The following SLIT1 variants were observed in gnomAD, a reference collection of about 807,000 sequenced individuals.
SLIT1 encodes slit homolog 1 protein.
SLIT1 carries 66 observed loss-of-function variants against 186.1 expected under a neutral mutation model. The observed-to-expected ratio is 0.35, with a 90% CI of 0.29 to 0.44. The LOEUF (loss-of-function observed/expected upper bound fraction) is 0.44. Ranked by LOEUF, SLIT1 falls within the 20% of genes least tolerant of loss-of-function variation. The pLI, the probability that SLIT1 is intolerant of heterozygous loss-of-function variation, is 1.00. For synonymous variants in SLIT1, 761 were observed against 833.8 expected (o/e 0.91, Z 1.50); for missense variants, 1,638 against 2,037.4 (o/e 0.80, Z 3.77).
intron 3 of SLIT1, among the ~76,000 whole-genome samples, chr10:97,158,879 G>GA (rs765903356): frequency 0.013 from 1,913 of 144,680 alleles, 24 homozygotes; most frequent in African/African-American, 0.034. Context: ...CTGTCTCAGA[G>GA]AAGAAAAAAA....
At chr10:97,087,056 T>C (rs1192096603) in intron 4 of SLIT1, among the ~76,000 whole-genome samples, 1 of 151,048 alleles carries the variant, frequency 6.6e-6, no homozygotes, top group Non-Finnish European at 1.5e-5. Context: ...AATTTTACTG[T>C]GAACCTAAAA....
At chr10:97,019,665 A>C (rs1273454202) in intron 26 of SLIT1, among the ~76,000 whole-genome samples, 1 of 151,722 alleles carries the variant, frequency 6.6e-6, no homozygotes, top group Non-Finnish European at 1.5e-5. Flanking sequence ...ATTTTCCCCC[A>C]CCTCCCTGCT....
In SLIT1 at chr10:97,018,968, T is replaced by C. The variant is rs765824873; in HGVS notation, c.2871+15A>G. On this transcript the variant is annotated intron_variant, in intron 27 of 36. Coordinates refer to ENST00000266058, the MANE Select transcript of SLIT1 (RefSeq NM_003061.3). The stretch of plus-strand genomic sequence containing the variant: ...CGAAGAGCCCTCCTCCTCCCCGGCC[T>C]CTGCCTCCACTCACCTTATAGCCGC... 1.3e-6 allele frequency: 2 copies of C among 1,535,806 alleles called. No individual in the cohort carries two copies. Among genetic ancestry groups the C allele is most frequent in the Admixed American group, 1.7e-5 (1 of 59,648 alleles).
intron 31 of SLIT1, among the ~76,000 whole-genome samples, chr10:97,009,936 C>T (rs1005497371): frequency 2.6e-5 from 4 of 152,184 alleles, no homozygotes; most frequent in African/African-American, 9.7e-5. Context: ...AGTGAGCTAC[C>T]ACTTCACACC....
At chr10:97,014,266 G>T in intron 28 of SLIT1, 108 bp from the exon 29 acceptor site, 1 of 1,317,826 alleles carries the variant, frequency 7.6e-7, no homozygotes, top group Non-Finnish European at 1.1e-6. Context: ...CCCTAATCCC[G>T]GCCAGGCCCT....
intron 4 of SLIT1, among the ~76,000 whole-genome samples, chr10:97,081,329 G>A (rs538408486): frequency 6.6e-6 from 1 of 152,304 alleles, no homozygotes; most frequent in South Asian, 2.1e-4. Flanking sequence ...CCCCACCAAC[G>A]TGGCAGGACA....
At chr10:97,107,558 T>C (rs970358848) in intron 4 of SLIT1, among the ~76,000 whole-genome samples, 2 of 152,174 alleles carry the variant, frequency 1.3e-5, no homozygotes, top group African/African-American at 4.8e-5. Flanking sequence ...CCTTTCTCTT[T>C]AAGCCATGGA....
intron 14 of SLIT1, 106 bp downstream of exon 14, chr10:97,048,849 G>GCGTA (rs1848760011): frequency 3.5e-6 from 4 of 1,156,400 alleles, no homozygotes; most frequent in Non-Finnish European, 3.7e-6. Flanking sequence ...GTGAGCAGGC[G>GCGTA]GGTAGGTGGG....
chr10:97,178,954 C>T (rs532843549), intron 1 of SLIT1, among the ~76,000 whole-genome samples: 1 of 152,294 alleles, frequency 6.6e-6, no homozygotes, highest in East Asian at 1.9e-4. Flanking sequence ...CACAAATCGT[C>T]GCCCCTCAGG....
intron 4 of SLIT1, among the ~76,000 whole-genome samples, chr10:97,146,775 G>A (rs1849822608): frequency 6.6e-6 from 1 of 152,178 alleles, no homozygotes; most frequent in Non-Finnish European, 1.5e-5. Context: ...CAGACAGCAA[G>A]AAATGGGCGG....
chr10:97,078,253 C>T (rs1849065046), intron 4 of SLIT1, among the ~76,000 whole-genome samples: 1 of 152,134 alleles, frequency 6.6e-6, no homozygotes, highest in Non-Finnish European at 1.5e-5. Flanking sequence ...TTCATCCCAC[C>T]CACATTTACT....
chr10:97,052,037 C>T (rs1003700211), intron 13 of SLIT1, among the ~76,000 whole-genome samples: 5 of 150,942 alleles, frequency 3.3e-5, no homozygotes, highest in South Asian at 2.1e-4. Flanking sequence ...GCCTCAAAAA[C>T]GTTATGCTAA....
chr10:97,156,430 T>A (rs1007620556), intron 4 of SLIT1, among the ~76,000 whole-genome samples: 2 of 152,016 alleles, frequency 1.3e-5, no homozygotes, highest in African/African-American at 4.8e-5. Context: ...ATTAAAAAAT[T>A]AGCCAGGCAT....
Position 97,068,624 on chromosome 10 carries a change from G to A in SLIT1, c.414-2538C>T, listed in dbSNP as rs537018771. 4.9e-4 allele frequency among the ~76,000 whole-genome samples: 74 copies of A among 152,238 alleles called. No homozygotes were observed. The highest frequency in any genetic ancestry group is 2.1e-3 in the South Asian group (10 of 4,824). On this transcript the variant is annotated intron_variant, in intron 4 of 36. Transcript: ENST00000266058. This position sits in a 1 kb window ranked among gnomAD's most constrained non-coding sequence, Gnocchi z 4.2. ...ACACAGCTGTCCCTCCTCCAGAGCC[G>A]TCCCACCTGCTATCCCTGAGGCATC... is the stretch of plus-strand genomic sequence containing the variant.
intron 12 of SLIT1, 92 bp downstream of exon 12, chr10:97,057,118 C>A: frequency 1.0e-6 from 1 of 971,418 alleles, no homozygotes; most frequent in Non-Finnish European, 1.6e-6. Context: ...GAGTCCCATA[C>A]CCAAGAGAGG....
chr10:97,004,002 C>T lies in SLIT1; in HGVS notation c.3865+66G>A, dbSNP rs1848335633. On this transcript the variant is annotated intron_variant, in intron 34 of 36. Coordinates refer to ENST00000266058, the MANE Select transcript of SLIT1 (RefSeq NM_003061.3). The surrounding 1 kb of genome is among the most constrained non-coding windows in gnomAD (Gnocchi z 5.1). ...CATTTCCCACAGTGCAGTCCCTAGG[C>T]ACCAGCTCTCCTGGCTGGCCTCAGG... 1 of 1,409,518 alleles carries T rather than the reference C, an allele frequency of 7.1e-7. No homozygotes were observed. Among genetic ancestry groups the T allele is most frequent in the Non-Finnish European group, 9.8e-7 (1 of 1,020,460 alleles). The allele number at this position is 1,409,518 out of a possible 1,614,324, so 87.3% of individuals were successfully genotyped here.
chr10:97,023,055 T>TG (rs1491199897), intron 25 of SLIT1, among the ~76,000 whole-genome samples: 2 of 142,830 alleles, frequency 1.4e-5, no homozygotes, highest in East Asian at 2.0e-4. Flanking sequence ...TACGTGCCTC[T>TG]TTTTTTTTTT....
chr10:97,064,670 C>T, intron 6 of SLIT1, 135 bp downstream of exon 6: 1 of 662,722 alleles, frequency 1.5e-6, no homozygotes, highest in Non-Finnish European at 2.7e-6. Flanking sequence ...CTGTCCTCCC[C>T]TCCTCCGAGG....
At chr10:97,074,028 CT>C (rs1480505207) in intron 4 of SLIT1, among the ~76,000 whole-genome samples, 1 of 152,154 alleles carries the variant, frequency 6.6e-6, no homozygotes, top group Non-Finnish European at 1.5e-5. Flanking sequence ...AACACCTCCC[CT>C]GAGCCTGAGT....
Sources: allele counts gnomAD v4.1 joint callset (sites outside exome capture counted in the v4.1 genomes callset), GRCh38; gene constraint gnomAD v4.1.1; non-coding constraint Gnocchi (gnomAD v3.1); transcripts MANE v1.5; gene names NCBI Gene and HGNC (gene_info 2026-07-23, HGNC 2026-07-21).